Variants in ZNF584 observed in about 807,000 individuals in gnomAD.
The protein encoded by ZNF584 is zinc finger protein 584.
ZNF584 carries 12 observed loss-of-function variants against 14.7 expected under a neutral mutation model. The ratio of observed to expected loss-of-function variants is 0.82; its 90% CI spans 0.52 to 1.32. The LOEUF (loss-of-function observed/expected upper bound fraction) is 1.32. ZNF584 is among the 40% of genes most tolerant of loss of function. The pLI is 0.00. For missense variants in ZNF584, 478 were observed against 518.8 expected (o/e 0.92, Z 0.76); for synonymous variants, 204 against 190.9 (o/e 1.07, Z -0.57).
Position 58,408,950 on chromosome 19 carries a change from G to T in ZNF584, c.-198G>T, listed in dbSNP as rs1434235094. On this transcript the variant is annotated 5_prime_UTR_variant, in exon 1 of 4. Coordinates refer to ENST00000306910, the MANE Select transcript of ZNF584 (RefSeq NM_173548.3). ...CCTCAGACTTATCGCTCGCGGACAG[G>T]CGCCGTGGGTCTCCCGGGCCTCCGT... 1.8e-6 allele frequency: 1 copy of T among 546,238 alleles called. No individual in the cohort carries two copies. The highest frequency in any genetic ancestry group is 2.0e-5 in the African/African-American group (1 of 50,414). 33.8% of individuals were successfully genotyped at this position (546,238 alleles called of 1,614,324 possible). A position where few individuals can be genotyped will look rare whatever the true frequency, so the allele number is the denominator to read the frequency against.
In ZNF584 at chr19:58,402,711, C is replaced by A. The variant is rs370916474; in HGVS notation, n.92+1049C>A. On this transcript the variant is annotated intron_variant and non_coding_transcript_variant, in intron 1 of 3. Transcript: ENST00000594993. ...GTGGCACATGCCTGTTATCCCAGCT[C>A]CTCGGGAGGCTGACAGGCAGGAGAA... Among the ~76,000 whole-genome samples, 13 of 151,602 alleles carry A rather than the reference C, an allele frequency of 8.6e-5. No individual in the cohort carries two copies. The East Asian group carries it at 1.4e-3, about 16-fold the overall frequency.
In ZNF584 at chr19:58,408,966, G is replaced by T. The variant is rs1421928944; in HGVS notation, c.-182G>T. Reference sequence around the variant, plus strand: ...CGCGGACAGGCGCCGTGGGTCTCCCGGGCCTCCGTACCGTCCTCCTTCCCA... The same window carrying T: ...CGCGGACAGGCGCCGTGGGTCTCCCTGGCCTCCGTACCGTCCTCCTTCCCA... On this transcript the variant is annotated 5_prime_UTR_variant, in exon 1 of 4. Coordinates refer to ENST00000306910, the MANE Select transcript of ZNF584 (RefSeq NM_173548.3). 1 of 650,158 alleles carries T rather than the reference G, an allele frequency of 1.5e-6. No homozygotes were observed. Among genetic ancestry groups the T allele is most frequent in the Non-Finnish European group, 2.4e-6 (1 of 424,818 alleles). The allele number at this position is 650,158 out of a possible 1,614,324, so 40.3% of individuals were successfully genotyped here.
intron 3 of ZNF584, 63 bp from the exon 4 acceptor site, chr19:58,416,748 T>G: frequency 6.6e-7 from 1 of 1,511,130 alleles, no homozygotes; most frequent in Non-Finnish European, 8.8e-7. Context: ...TGACATGCAC[T>G]GGTGATTAAG....
chr19:58,409,337 G>A (rs2052511376), intron 1 of ZNF584, 172 bp downstream of exon 1: 1 of 772,502 alleles, frequency 1.3e-6, no homozygotes, highest in Admixed American at 3.8e-5. Flanking sequence ...TGTGCCGCAG[G>A]ACTGGGACAG....
chr19:58,404,637 C>T (rs2052452013), upstream of ZNF584: 2 of 232,206 alleles, frequency 8.6e-6, no homozygotes, highest in Non-Finnish European at 1.7e-5. Context: ...CTACCTCTTT[C>T]TACACAGACA....
upstream of ZNF584, chr19:58,406,040 C>T (rs949434646): frequency 9.2e-5 from 16 of 174,384 alleles, no homozygotes; most frequent in Non-Finnish European, 1.6e-4. Context: ...CGCCACTGCA[C>T]TCCAGCCTGG....
At position 58,409,038 on chromosome 19, in the gene ZNF584, G is replaced by C. The variant is rs1197646720; in HGVS notation, c.-110G>C. 4 of 1,362,858 alleles carry C rather than the reference G, an allele frequency of 2.9e-6. No homozygotes were observed. In the African/African-American group the frequency reaches 6.1e-5, roughly 21 times the overall value. The allele number at this position is 1,362,858 out of a possible 1,614,324, so 84.4% of individuals were successfully genotyped here. ...CTGTCTTCGGACGCATTTCACCCGC[G>C]CGGGGAGAGCTTCCCGGGAAGGTTC... On this transcript the variant is annotated 5_prime_UTR_variant, in exon 1 of 4. Transcript: ENST00000306910.
At chr19:58,410,548 T>TTTTTTTTTTTTTTTTTTTTTGAGAC (rs1568584390) in intron 2 of ZNF584, among the ~76,000 whole-genome samples, 1 of 63,546 alleles carries the variant, frequency 1.6e-5, no homozygotes, top group Non-Finnish European at 2.7e-5. Flanking sequence ...TATATATATA[T>TTTTTTTTTTTTTTTTTTTTTGAGAC]ATATATATAT....
In ZNF584 at chr19:58,418,080, G is replaced by A. The variant is rs2052669920; in HGVS notation, c.*296G>A. The A allele has an allele frequency of 5.3e-6, 2 of 374,534 alleles. No homozygotes were observed. The highest frequency in any genetic ancestry group is 9.7e-6 in the Non-Finnish European group (2 of 206,072). The allele number at this position is 374,534 out of a possible 1,614,324, so 23.2% of individuals were successfully genotyped here. On this transcript the variant is annotated 3_prime_UTR_variant, in exon 4 of 4. Coordinates refer to ENST00000306910, the MANE Select transcript of ZNF584 (RefSeq NM_173548.3). Reference sequence around the variant, plus strand: ...CTTGTGCTCCTTGCTCTAAACAGTAGAGAATCGTTAATAGTGGAGCCCAAA... The same window carrying A: ...CTTGTGCTCCTTGCTCTAAACAGTAAAGAATCGTTAATAGTGGAGCCCAAA...
chr19:58,403,658 A>G (rs2122183675), upstream of ZNF584, among the ~76,000 whole-genome samples: 1 of 152,314 alleles, frequency 6.6e-6, no homozygotes, highest in Admixed American at 6.5e-5. Flanking sequence ...ATAATAATGT[A>G]CTAATATTCA....
At chr19:58,413,593 GCCCCCC>G (rs1568586724) in intron 2 of ZNF584, among the ~76,000 whole-genome samples, 1 of 149,676 alleles carries the variant, frequency 6.7e-6, no homozygotes, top group East Asian at 2.0e-4. Context: ...TGCAACCTCC[GCCCCCC>G]AAGTTCAAGC....
intron 2 of ZNF584, 88 bp downstream of exon 2, chr19:58,410,179 G>T: frequency 6.8e-7 from 1 of 1,466,786 alleles, no homozygotes. Context: ...CCAGACCATG[G>T]GGGCTCTTTC....
Position 58,417,756 on chromosome 19 carries a change from G to A in ZNF584, c.1238G>A (p.Arg413Lys). The change falls in exon 4 of 4, where the codon AGG becomes AAG. Residue 413 changes from arginine (R) to lysine (K), a missense_variant. Around this residue, in one of 3 missense-constraint regions of ZNF584, gnomAD observed 283 missense variants for 317.3 expected, o/e 0.89. Coordinates refer to ENST00000306910, the MANE Select transcript of ZNF584 (RefSeq NM_173548.3). ...ACTCCAGAAAGGCGTCAGGAGGACA[G>A]GGCACATGGGAAGGTCGTTAGCTGC... ...VHTPERRQED[R>K]AHGKVVSC 6.2e-7 allele frequency: 1 copy of A among 1,611,648 alleles called. No individual in the cohort carries two copies. Among genetic ancestry groups the A allele is most frequent in the Non-Finnish European group, 8.5e-7 (1 of 1,178,464 alleles).
At chr19:58,409,657 G>A (rs2052516810) in intron 1 of ZNF584, among the ~76,000 whole-genome samples, 2 of 152,164 alleles carry the variant, frequency 1.3e-5, no homozygotes, top group African/African-American at 2.4e-5. Context: ...CACATAGATG[G>A]CATCAGTCTG....
In ZNF584 at chr19:58,417,854, C is replaced by G. The variant is rs916813135; in HGVS notation, c.*70C>G. Reference sequence around the variant, plus strand: ...GGAGAGTGGCCGTGAGAGTGCCATCCGAAAGAAGCTAAACCTTGCACATCC... The same window carrying G: ...GGAGAGTGGCCGTGAGAGTGCCATCGGAAAGAAGCTAAACCTTGCACATCC... On this transcript the variant is annotated 3_prime_UTR_variant, in exon 4 of 4. Transcript: ENST00000306910. 1.3e-6 allele frequency: 2 copies of G among 1,523,726 alleles called. No individual in the cohort carries two copies. Among genetic ancestry groups the G allele is most frequent in the Admixed American group, 4.2e-5 (2 of 48,146 alleles). 94.4% of individuals were successfully genotyped at this position (1,523,726 alleles called of 1,614,324 possible).
intron 2 of ZNF584, among the ~76,000 whole-genome samples, chr19:58,413,354 T>TA (rs2052599630): frequency 6.6e-6 from 1 of 152,056 alleles, no homozygotes; most frequent in Admixed American, 6.5e-5. Flanking sequence ...TTCTTTTTTT[T>TA]TAATTTTTCT....
chr19:58,416,651 C>T (rs1364467147), intron 3 of ZNF584, 160 bp from the exon 4 acceptor site: 2 of 837,602 alleles, frequency 2.4e-6, no homozygotes, highest in African/African-American at 3.4e-5. Context: ...ATCTGCCCGC[C>T]TTGGCCTCCC....
At chr19:58,405,198 G>C (rs1164021459), upstream of ZNF584, 1 of 148,802 alleles carries the variant, frequency 6.7e-6, no homozygotes, top group African/African-American at 2.5e-5. Flanking sequence ...TCCCGGACGG[G>C]TCGGCTGGCC....
upstream of ZNF584, chr19:58,405,520 C>A (rs1235861611): frequency 6.5e-6 from 1 of 154,944 alleles, no homozygotes; most frequent in Non-Finnish European, 1.4e-5. Flanking sequence ...GGGGCGGCTG[C>A]CGGGCGGAGA....
Sources: allele counts gnomAD v4.1 joint callset (sites outside exome capture counted in the v4.1 genomes callset), GRCh38; gene constraint gnomAD v4.1.1; regional missense constraint gnomAD v4.1.1; transcripts MANE v1.5; gene names NCBI Gene and HGNC (gene_info 2026-07-23, HGNC 2026-07-21).